The following PCNX1 variants were observed in gnomAD, a reference collection of about 807,000 sequenced individuals.
PCNX1 encodes the protein pecanex-like protein 1.
In PCNX1, 78 loss-of-function variants were observed where a neutral mutation model predicts 242.2. That is an observed-to-expected ratio of 0.32 (90% CI 0.27 to 0.39). PCNX1 has a LOEUF of 0.39. PCNX1 is among the 10% of genes least tolerant of loss of function. The probability of loss-of-function intolerance (pLI) is 1.00; values close to 1 mark genes in which losing one functional copy is unlikely to be tolerated. For missense variants in PCNX1, 2,581 were observed against 2,856.5 expected, an observed-to-expected ratio of 0.90 and a Z score of 2.20; for synonymous variants, 1,024 against 1,032.9, an observed-to-expected ratio of 0.99 and a Z score of 0.17.
chr14:70,934,045 T>A (rs1377420616), intron 1 of PCNX1, among the ~76,000 whole-genome samples: 1 of 152,224 alleles, frequency 6.6e-6, no homozygotes, highest in Non-Finnish European at 1.5e-5. Flanking sequence ...AGGAGTATTG[T>A]ATAAAAGATT....
intron 12 of PCNX1, among the ~76,000 whole-genome samples, chr14:71,022,153 A>G (rs2060121043): frequency 6.6e-6 from 1 of 152,164 alleles, no homozygotes; most frequent in African/African-American, 2.4e-5. Flanking sequence ...CTTGATCACT[A>G]ATAACAAGTA....
intron 29 of PCNX1, among the ~76,000 whole-genome samples, chr14:71,088,708 G>T (rs2062055372): frequency 6.6e-6 from 1 of 151,868 alleles, no homozygotes; most frequent in Non-Finnish European, 1.5e-5. Flanking sequence ...AATTTTGATT[G>T]GCCTCCTCCT....
chr14:70,948,197 T>C (rs2057536627), intron 2 of PCNX1, among the ~76,000 whole-genome samples: 1 of 152,154 alleles, frequency 6.6e-6, no homozygotes, highest in African/African-American at 2.4e-5. Context: ...CCTTGAAGCA[T>C]GTGATCTCTG....
At chr14:70,910,512 C>T (rs1226621501) in intron 1 of PCNX1, among the ~76,000 whole-genome samples, 1 of 152,004 alleles carries the variant, frequency 6.6e-6, no homozygotes, top group Non-Finnish European at 1.5e-5. Context: ...GCTTGCTTTT[C>T]CCTCTGTCTG....
At position 71,108,674 on chromosome 14, in the gene PCNX1, C is replaced by A. The variant is rs1388338393; in HGVS notation, c.6372C>A (p.Ala2124=). ...AGTCTCCTGCCCGGGCCTCAGTAGC[C>A]AGCCAGTCTTCCTACTGCTATAGCA... The part of the protein sequence containing the change: ...VRQSPARASV[A]SQSSYCYSSR... Residue 2124 remains alanine (A), a synonymous_variant, in exon 34 of 36, where the codon GCC becomes GCA. Transcript: ENST00000304743. The A allele has an allele frequency of 2.5e-6, 4 of 1,614,104 alleles. No homozygotes were observed. The highest frequency in any genetic ancestry group is 3.4e-6 in the Non-Finnish European group (4 of 1,180,038).
At chr14:71,040,636 A>G (rs1394907420) in intron 19 of PCNX1, among the ~76,000 whole-genome samples, 2 of 152,104 alleles carry the variant, frequency 1.3e-5, no homozygotes, top group Non-Finnish European at 2.9e-5. Context: ...TAATAATTAC[A>G]TGGTAAATGG....
At chr14:71,073,443 G>A in intron 26 of PCNX1, 102 bp from the exon 27 acceptor site, 1 of 1,109,404 alleles carries the variant, frequency 9.0e-7, no homozygotes, top group Non-Finnish European at 1.3e-6. Context: ...ACTTTCAATT[G>A]CAATAAAATA....
At chr14:71,089,523 A>G (rs2062073803) in intron 30 of PCNX1, among the ~76,000 whole-genome samples, 181 bp downstream of exon 30, 1 of 152,204 alleles carries the variant, frequency 6.6e-6, no homozygotes. Context: ...GGAAACTTAC[A>G]GTCATGGCGG....
At chr14:71,096,693 C>A (rs994070761) in intron 30 of PCNX1, among the ~76,000 whole-genome samples, 13 of 152,212 alleles carry the variant, frequency 8.5e-5, no homozygotes, top group Non-Finnish European at 1.6e-4. Flanking sequence ...GTATGATATA[C>A]AGAAGTTAAG....
At chr14:70,923,943 T>C (rs979064725) in intron 1 of PCNX1, among the ~76,000 whole-genome samples, 1 of 152,106 alleles carries the variant, frequency 6.6e-6, no homozygotes, top group Non-Finnish European at 1.5e-5. Context: ...TGAAAGATAC[T>C]GCCTAGGCTG....
chr14:70,935,170 C>T (rs1291378365), intron 1 of PCNX1, among the ~76,000 whole-genome samples: 2 of 152,162 alleles, frequency 1.3e-5, no homozygotes, highest in Non-Finnish European at 2.9e-5. Context: ...AAGTATCGTT[C>T]ATCAGGTACT....
chr14:71,081,750 T>C (rs1197209020), intron 28 of PCNX1, among the ~76,000 whole-genome samples: 1 of 152,160 alleles, frequency 6.6e-6, no homozygotes, highest in Non-Finnish European at 1.5e-5. Context: ...TTGATTCTTC[T>C]CTCTTTTCTT....
At chr14:70,926,581 G>T (rs1225533858) in intron 1 of PCNX1, among the ~76,000 whole-genome samples, 3 of 152,072 alleles carry the variant, frequency 2.0e-5, no homozygotes, top group Non-Finnish European at 4.4e-5. Flanking sequence ...TAGAAACCAA[G>T]GGGATTTTAA....
chr14:70,957,944 A>C (rs998060510), intron 2 of PCNX1, among the ~76,000 whole-genome samples: 1 of 152,002 alleles, frequency 6.6e-6, no homozygotes, highest in African/African-American at 2.4e-5. Flanking sequence ...TTTTCTTTGG[A>C]TCTCACTTAG....
rs201812061 is a variant in PCNX1, at chr14:70,907,994, C to T, written c.144C>T (p.Thr48=). The change falls in exon 1 of 36, where the codon ACC becomes ACT. Residue 48 remains threonine, a synonymous_variant. Transcript: ENST00000304743. ...TCTTTCTGCTGGGCCTGCCCTTCACCCTCTACATGGTGAGTGTGGGGGCGG... is the reference window on the plus strand; with the variant it reads ...TCTTTCTGCTGGGCCTGCCCTTCACTCTCTACATGGTGAGTGTGGGGGCGG... The part of the protein sequence containing the change: ...LWLFLLGLPF[T]LYMALPSTMI... 2.9e-5 allele frequency: 46 copies of T among 1,594,144 alleles called. No homozygotes were observed. The Admixed American group carries it at 4.5e-4, about 16-fold the overall frequency.
intron 7 of PCNX1, among the ~76,000 whole-genome samples, chr14:70,991,451 G>T (rs756835083): frequency 6.6e-6 from 1 of 152,030 alleles, no homozygotes; most frequent in Non-Finnish European, 1.5e-5. Flanking sequence ...TGATCCACCC[G>T]CCTTGGCCTT....
intron 30 of PCNX1, among the ~76,000 whole-genome samples, chr14:71,095,518 T>C (rs2062250597): frequency 1.3e-5 from 2 of 152,222 alleles, no homozygotes; most frequent in South Asian, 4.1e-4. Context: ...TAAACATCTT[T>C]CCATCACTCC....
At chr14:71,059,132 G>A (rs906583977) in intron 26 of PCNX1, among the ~76,000 whole-genome samples, 2 of 152,132 alleles carry the variant, frequency 1.3e-5, no homozygotes, top group African/African-American at 4.8e-5. Context: ...GAAATGAAAG[G>A]GGGGGTGGTT....
At chr14:70,924,005 C>T (rs1235770157) in intron 1 of PCNX1, among the ~76,000 whole-genome samples, 1 of 152,010 alleles carries the variant, frequency 6.6e-6, no homozygotes, top group Non-Finnish European at 1.5e-5. Flanking sequence ...CCGAGGCAGG[C>T]AGATTGCTTG....
Sources: allele counts gnomAD v4.1 joint callset (sites outside exome capture counted in the v4.1 genomes callset), GRCh38; gene constraint gnomAD v4.1.1; transcripts MANE v1.5; gene names NCBI Gene and HGNC (gene_info 2026-07-23, HGNC 2026-07-21).